Variants in LRRN4 observed in about 807,000 individuals in gnomAD.
The protein encoded by LRRN4 is leucine-rich repeat neuronal protein 4.
In LRRN4, 26 loss-of-function variants were observed where a neutral mutation model predicts 22.3. The observed-to-expected ratio is 1.16, with a 90% CI of 0.85 to 1.62. The LOEUF is 1.62. LRRN4 is among the 40% of genes most tolerant of loss of function. LRRN4 has a pLI of 0.00. For missense variants in LRRN4, 1,070 were observed against 1,008.5 expected (o/e 1.06, Z -0.83); for synonymous variants, 496 against 486.2 (o/e 1.02, Z -0.26).
In LRRN4 at chr20:6,041,935, A is replaced by G; in HGVS notation, c.1310T>C (p.Val437Ala). 3 of 1,614,112 alleles carry G rather than the reference A, an allele frequency of 1.9e-6. No homozygotes were observed. Among genetic ancestry groups the G allele is most frequent in the Non-Finnish European group, 2.5e-6 (3 of 1,180,000 alleles). The change falls in exon 5 of 5, where the codon GTA becomes GCA. Residue 437 changes from valine to alanine, a missense_variant. Val to Ala is a moderately conservative substitution (Grantham distance 64, BLOSUM62 0). Transcript: ENST00000378858. The surrounding 1 kb of genome is among the most constrained non-coding windows in gnomAD (Gnocchi z 9.4). Reference sequence around the variant, plus strand: ...AACGCTGGAGTTGCTGTGACCTGCTACAGAGTTGGTCGTGGAGGGGGCAGT... The same window carrying G: ...AACGCTGGAGTTGCTGTGACCTGCTGCAGAGTTGGTCGTGGAGGGGGCAGT... ...EGTAPSTTNS[V>A]AGHSNSSVFP...
Position 6,041,347 on chromosome 20 carries a change from G to A in LRRN4, c.1898C>T (p.Ala633Val). ...CAGCCCGTACAGAGGGTGCTGCCGGGCCGTGGCGTAGATGACCCCCACCAC... is the reference window on the plus strand; with the variant it reads ...CAGCCCGTACAGAGGGTGCTGCCGGACCGTGGCGTAGATGACCCCCACCAC... ...QSVVGVIYATARQHPLYGLSP... is the reference protein window; with the variant it reads ...QSVVGVIYATVRQHPLYGLSP... Residue 633 changes from alanine to valine, a missense_variant, in exon 5 of 5, where the codon GCC becomes GTC. Transcript: ENST00000378858. This position sits in a 1 kb window ranked among gnomAD's most constrained non-coding sequence, Gnocchi z 9.4. 5 of 1,597,322 alleles carry A rather than the reference G, an allele frequency of 3.1e-6. No homozygotes were observed. Among genetic ancestry groups the A allele is most frequent in the Non-Finnish European group, 4.3e-6 (5 of 1,174,984 alleles).
chr20:6,052,700 C>T lies in LRRN4; in HGVS notation c.100G>A (p.Gly34Ser). 6.4e-7 allele frequency: 1 copy of T among 1,571,444 alleles called. No individual in the cohort carries two copies. ...TTGCTGCCACTGCTCCCCCAGGGGC[C>T]CTGCTGAGTGACCCGGAAGAGCGGG... is the stretch of plus-strand genomic sequence containing the variant. ...KVPLFRVTQQ[G>S]PWGSSGSNAT... Residue 34 changes from glycine (G) to serine (S), a missense_variant, in exon 2 of 5, where the codon GGC (glycine) becomes AGC (serine). Transcript: ENST00000378858.
At position 6,041,177 on chromosome 20, in the gene LRRN4, C is replaced by T. The variant is rs747751685; in HGVS notation, c.2068G>A (p.Ala690Thr). ...GTGCTGGCGAGCAACAGGCCGCTGG[C>T]GGCGCACAGCCCAGAGAGCAGGAGC... ...FALLLSGLCAASGLLLASTVV... is the reference protein window; with the variant it reads ...FALLLSGLCATSGLLLASTVV... Residue 690 changes from alanine (A) to threonine (T), a missense_variant, in exon 5 of 5, where the codon GCC becomes ACC. Physicochemically the swap from Ala to Thr is moderately conservative, Grantham distance 58. Coordinates refer to ENST00000378858, the MANE Select transcript of LRRN4 (RefSeq NM_152611.5). This position sits in a 1 kb window ranked among gnomAD's most constrained non-coding sequence, Gnocchi z 9.4. 6.3e-6 allele frequency: 10 copies of T among 1,597,768 alleles called. No homozygotes were observed. In the South Asian group the frequency reaches 8.9e-5, roughly 14 times the overall value.
Position 6,052,252 on chromosome 20 carries a change from C to G in LRRN4, c.548G>C (p.Gly183Ala). Residue 183 changes from glycine (G) to alanine (A), a missense_variant, in exon 2 of 5, where the codon GGT becomes GCT. Transcript: ENST00000378858. ...QLLNLSCTAL[G>A]RGAQGGIAEA... Reference sequence around the variant, plus strand: ...GGCGATGCCCCCCTGGGCTCCGCGACCCAGCGCGGTGCAGGAGAGGTTGAG... The same window carrying G: ...GGCGATGCCCCCCTGGGCTCCGCGAGCCAGCGCGGTGCAGGAGAGGTTGAG... 6.4e-7 allele frequency: 1 copy of G among 1,559,796 alleles called. No individual in the cohort carries two copies. The highest frequency in any genetic ancestry group is 8.7e-7 in the Non-Finnish European group (1 of 1,153,142).
chr20:6,041,458 G>T lies in LRRN4; in HGVS notation c.1787C>A (p.Ala596Glu). 1 of 1,555,748 alleles carries T rather than the reference G, an allele frequency of 6.4e-7. No individual in the cohort carries two copies. The highest frequency in any genetic ancestry group is 8.7e-7 in the Non-Finnish European group (1 of 1,149,318). Residue 596 changes from alanine (A) to glutamate (E), a missense_variant, in exon 5 of 5, where the codon GCG becomes GAG. Ala to Glu is a moderately radical substitution (Grantham distance 107, BLOSUM62 -1). Coordinates refer to ENST00000378858, the MANE Select transcript of LRRN4 (RefSeq NM_152611.5). This position sits in a 1 kb window ranked among gnomAD's most constrained non-coding sequence, Gnocchi z 9.4. The part of the protein sequence containing the change: ...QGVTETTDTS[A>E]LVHWCAPNSV... ...GTTGGGGGCACACCAGTGGACCAGCGCCGACGTGTCCGTGGTCTCCGTCAC... is the reference window on the plus strand; with the variant it reads ...GTTGGGGGCACACCAGTGGACCAGCTCCGACGTGTCCGTGGTCTCCGTCAC...
chr20:6,045,397 C>T (rs1981078722), intron 3 of LRRN4, among the ~76,000 whole-genome samples: 1 of 148,400 alleles, frequency 6.7e-6, no homozygotes, highest in African/African-American at 2.4e-5. Context: ...AAGAGCACAC[C>T]ACTACCCTCC....
Position 6,042,819 on chromosome 20 carries a change from A to G in LRRN4, c.999-573T>C, listed in dbSNP as rs368696796. 1.8e-4 allele frequency among the ~76,000 whole-genome samples: 27 copies of G among 151,274 alleles called. No homozygotes were observed. The East Asian group carries it at 4.5e-3, about 25-fold the overall frequency. Reference sequence around the variant, plus strand: ...CTGTAATCCCAGCTACTCAGGAGGCAGAGGCAGGAGAATCACTTGAACCTG... The same window carrying G: ...CTGTAATCCCAGCTACTCAGGAGGCGGAGGCAGGAGAATCACTTGAACCTG... On this transcript the variant is annotated intron_variant, in intron 4 of 4. Coordinates refer to ENST00000378858, the MANE Select transcript of LRRN4 (RefSeq NM_152611.5).
chr20:6,052,531 AG>A lies in LRRN4; in HGVS notation c.268del (p.Leu90Ter), dbSNP rs540233908. On this transcript the variant is annotated frameshift_variant, in exon 2 of 5. Coordinates refer to ENST00000378858, the MANE Select transcript of LRRN4 (RefSeq NM_152611.5). LOFTEE classifies it high-confidence loss of function. ...CAGGTGGCCGAGCTCGGAAGTGCTC[AG>A]GGCGCGCAGCAGGTTGTGGCTGGCG... ...LDASHNLLRALSTSELGHLEQ... is the reference protein window; with the variant it reads ...LDASHNLLRAXSTSELGHLEQ... 1.4e-4 allele frequency: 219 copies of A among 1,587,902 alleles called. 1 individual carries two copies. The East Asian group carries it at 4.0e-3, about 29-fold the overall frequency.
intron 2 of LRRN4, 79 bp downstream of exon 2, chr20:6,052,066 G>A: frequency 4.1e-6 from 6 of 1,471,706 alleles, no homozygotes; most frequent in Non-Finnish European, 5.4e-6. Context: ...GAGGAAGAAC[G>A]CAGCCCTGCC....
chr20:6,052,466 C>T lies in LRRN4; in HGVS notation c.334G>A (p.Ala112Thr). 1 of 1,563,662 alleles carries T rather than the reference C, an allele frequency of 6.4e-7. No homozygotes were observed. The highest frequency in any genetic ancestry group is 1.2e-5 in the South Asian group (1 of 86,110). ...CCACCCGGGCCCCAGCGCAGCGCGG[C>T]GATGCGGTTGTGGCGCAGGGTCAGC... ...QVLTLRHNRI[A>T]ALRWGPGGPA... The change falls in exon 2 of 5, where the codon GCC (alanine) becomes ACC (threonine). Residue 112 changes from alanine to threonine, a missense_variant. Physicochemically the swap from Ala to Thr is moderately conservative, Grantham distance 58. Coordinates refer to ENST00000378858, the MANE Select transcript of LRRN4 (RefSeq NM_152611.5).
rs118169451 is a variant in LRRN4, at chr20:6,053,920, G to C, written c.-96C>G. 0.017 allele frequency: 2,545 copies of C among 152,328 alleles called. 38 individuals carry two copies. The highest frequency in any genetic ancestry group is 0.058 in the Middle Eastern group (17 of 294). 9.4% of individuals were successfully genotyped at this position (152,328 alleles called of 1,614,324 possible). On this transcript the variant is annotated 5_prime_UTR_variant, in exon 1 of 5. Coordinates refer to ENST00000378858, the MANE Select transcript of LRRN4 (RefSeq NM_152611.5). ...ATAGATTCTAGGGACCACTGATTTG[G>C]ACAGCAACTCAGCTATGAACTCCAG... is the stretch of plus-strand genomic sequence containing the variant.
chr20:6,041,122 C>T lies in LRRN4; in HGVS notation c.2123G>A (p.Arg708Gln). The T allele has an allele frequency of 1.9e-6, 3 of 1,611,822 alleles. No homozygotes were observed. The highest frequency in any genetic ancestry group is 2.5e-6 in the Non-Finnish European group (3 of 1,179,154). The change falls in exon 5 of 5, where the codon CGG (arginine) becomes CAG (glutamine). Residue 708 changes from arginine to glutamine, a missense_variant. By Grantham distance (43) the Arg-to-Gln change is conservative. Coordinates refer to ENST00000378858, the MANE Select transcript of LRRN4 (RefSeq NM_152611.5). The surrounding 1 kb of genome is among the most constrained non-coding windows in gnomAD (Gnocchi z 9.4). Reference sequence around the variant, plus strand: ...GCGCTGCAGGCCCAGCGTCTGGCCCCGCCTGCAGAGACATGCGGACAGCAC... The same window carrying T: ...GCGCTGCAGGCCCAGCGTCTGGCCCTGCCTGCAGAGACATGCGGACAGCAC... ...TVVLSACLCR[R>Q]GQTLGLQRCD...
In LRRN4 at chr20:6,041,318, G is replaced by A. The variant is rs1473651736; in HGVS notation, c.1927C>T (p.Pro643Ser). The change falls in exon 5 of 5, where the codon CCG (proline) becomes TCG (serine). Residue 643 changes from proline to serine, a missense_variant. Transcript: ENST00000378858. The surrounding 1 kb of genome is among the most constrained non-coding windows in gnomAD (Gnocchi z 9.4). ...ARQHPLYGLSPGTTYRVCVLA... is the reference protein window; with the variant it reads ...ARQHPLYGLSSGTTYRVCVLA... ...ACGCACACGCGGTAGGTGGTGCCCG[G>A]CGACAGCCCGTACAGAGGGTGCTGC... 1.3e-6 allele frequency: 2 copies of A among 1,597,034 alleles called. No individual in the cohort carries two copies. The highest frequency in any genetic ancestry group is 1.7e-6 in the Non-Finnish European group (2 of 1,175,778).
At chr20:6,048,230 C>CTGCTACA (rs372013595) in intron 3 of LRRN4, among the ~76,000 whole-genome samples, 14,992 of 152,104 alleles carry the variant, frequency 0.099, 886 homozygotes, top group Middle Eastern at 0.21. Context: ...CCTGGTTTTT[C>CTGCTACA]TGCTACTCCA....
At chr20:6,050,178 T>A (rs867604461) in intron 3 of LRRN4, among the ~76,000 whole-genome samples, 18 of 152,224 alleles carry the variant, frequency 1.2e-4, no homozygotes, top group South Asian at 2.1e-4. Flanking sequence ...GAGCCAGAGA[T>A]ACAAAGCATT....
Position 6,040,932 on chromosome 20 carries a change from T to C in LRRN4, c.*90A>G. On this transcript the variant is annotated 3_prime_UTR_variant, in exon 5 of 5. Transcript: ENST00000378858. ...CTGGCTTCACGGGAATTAGAAACCC[T>C]AGGAGCGGATGGGGTCGTTTTTGAC... 1 of 1,542,200 alleles carries C rather than the reference T, an allele frequency of 6.5e-7. No individual in the cohort carries two copies.
intron 3 of LRRN4, among the ~76,000 whole-genome samples, chr20:6,047,618 T>C (rs199637578): frequency 0.098 from 14,444 of 147,146 alleles, 845 homozygotes; most frequent in Middle Eastern, 0.22. Context: ...AACCCCGTCT[T>C]AACTAAAAAT....
Position 6,041,034 on chromosome 20 carries a change from C to G in LRRN4, c.2211G>C (p.Gln737His). ...CCCAGAAGCTGGGCTAACTGACGGT[C>G]TGGAGCCCCAGCGGGTAATCATCAA... Reference protein sequence around the residue: ...PAFDDYPLGLQTVS With the variant: ...PAFDDYPLGLHTVS The change falls in exon 5 of 5, where the codon CAG becomes CAC. Residue 737 changes from glutamine to histidine, a missense_variant. Transcript: ENST00000378858. The surrounding 1 kb of genome is among the most constrained non-coding windows in gnomAD (Gnocchi z 9.4). 1 of 1,613,844 alleles carries G rather than the reference C, an allele frequency of 6.2e-7. No individual in the cohort carries two copies. The highest frequency in any genetic ancestry group is 8.5e-7 in the Non-Finnish European group (1 of 1,179,946).
At chr20:6,042,907 A>T (rs1233701743) in intron 4 of LRRN4, among the ~76,000 whole-genome samples, 1 of 129,568 alleles carries the variant, frequency 7.7e-6, no homozygotes, top group African/African-American at 3.2e-5. Flanking sequence ...CAACAGAGGG[A>T]GACTCTGTCT....
Sources: allele counts gnomAD v4.1 joint callset (sites outside exome capture counted in the v4.1 genomes callset), GRCh38; gene constraint gnomAD v4.1.1; non-coding constraint Gnocchi (gnomAD v3.1); transcripts MANE v1.5; gene names NCBI Gene and HGNC (gene_info 2026-07-23, HGNC 2026-07-21).